The following SH3PXD2B variants were observed in gnomAD, a reference collection of about 807,000 sequenced individuals.
SH3PXD2B encodes the protein SH3 and PX domains 2B, also known as SH3 and PX domain-containing protein 2B.
In SH3PXD2B, 37 loss-of-function variants were observed where a neutral mutation model predicts 73.1. That is an observed-to-expected ratio of 0.51 (90% CI 0.39 to 0.67). The LOEUF is 0.67. Among genes scored for constraint, SH3PXD2B ranks in the 30% least tolerant of loss-of-function variants. The pLI is 0.00. For synonymous variants in SH3PXD2B, 457 were observed against 480.5 expected, an observed-to-expected ratio of 0.95 and a Z score of 0.64; for missense variants, 1,053 against 1,197.8, an observed-to-expected ratio of 0.88 and a Z score of 1.78.
chr5:172,440,869 TCA>T (rs1759538355), intron 1 of SH3PXD2B, among the ~76,000 whole-genome samples: 1 of 152,084 alleles, frequency 6.6e-6, no homozygotes, highest in South Asian at 2.1e-4. Context: ...GTTAGGAGGC[TCA>T]GTTTTCCCAT....
intron 4 of SH3PXD2B, among the ~76,000 whole-genome samples, chr5:172,394,215 G>A (rs1758246753): frequency 6.6e-6 from 1 of 152,350 alleles, no homozygotes; most frequent in South Asian, 2.1e-4. Flanking sequence ...AAAATGCTGG[G>A]ATTATAGGCG....
At position 172,336,205 on chromosome 5, in the gene SH3PXD2B, A is replaced by G; in HGVS notation, c.*2164T>C. 3.0e-6 allele frequency: 3 copies of G among 985,542 alleles called. No homozygotes were observed. The highest frequency in any genetic ancestry group is 3.6e-6 in the Non-Finnish European group (3 of 829,968). 61.0% of individuals were successfully genotyped at this position (985,542 alleles called of 1,614,324 possible). A position where few individuals can be genotyped will look rare whatever the true frequency, so the allele number is the denominator to read the frequency against. ...GGCAAAGAGCAAATCAGAAAAAAAC[A>G]TGTGTTTTGTCTTTTGAAATGCAGT... On this transcript the variant is annotated 3_prime_UTR_variant, in exon 13 of 13. Transcript: ENST00000311601.
intron 1 of SH3PXD2B, among the ~76,000 whole-genome samples, chr5:172,430,727 A>G (rs1174832349): frequency 1.3e-5 from 2 of 152,122 alleles, no homozygotes; most frequent in African/African-American, 4.8e-5. Context: ...GGCCAGAATA[A>G]CCCTCTTCCT....
At chr5:172,379,817 A>G (rs763265860) in intron 5 of SH3PXD2B, among the ~76,000 whole-genome samples, 5 of 152,186 alleles carry the variant, frequency 3.3e-5, no homozygotes, top group Non-Finnish European at 7.3e-5. Context: ...ATGGCCACAA[A>G]GCCCAGGAGT....
At chr5:172,416,517 G>A (rs375187546) in intron 2 of SH3PXD2B, among the ~76,000 whole-genome samples, 6 of 151,738 alleles carry the variant, frequency 4.0e-5, no homozygotes, top group African/African-American at 7.3e-5. Flanking sequence ...TAGTAGAGAC[G>A]GGGTTTCACT....
intron 2 of SH3PXD2B, among the ~76,000 whole-genome samples, chr5:172,412,403 C>T (rs1210514665): frequency 6.6e-6 from 1 of 152,224 alleles, no homozygotes; most frequent in South Asian, 2.1e-4. Context: ...CTTGAATTTA[C>T]ATTTAAATAC....
At chr5:172,398,696 A>G (rs1758361514) in intron 3 of SH3PXD2B, among the ~76,000 whole-genome samples, 1 of 152,210 alleles carries the variant, frequency 6.6e-6, no homozygotes, top group African/African-American at 2.4e-5. Flanking sequence ...ACTTTAAATG[A>G]CTTCCAAAAA....
chr5:172,325,343 A>G, exon 13 of SH3PXD2B: 1 of 1,535,572 alleles, frequency 6.5e-7, no homozygotes, highest in Non-Finnish European at 8.7e-7. Flanking sequence ...TCTAAGAGGG[A>G]CTTCCACAGG....
intron 1 of SH3PXD2B, among the ~76,000 whole-genome samples, chr5:172,430,662 C>T (rs1759213737): frequency 6.6e-6 from 1 of 152,238 alleles, no homozygotes; most frequent in Admixed American, 6.5e-5. Flanking sequence ...CAGGAGCTGA[C>T]ATTGAGAGGA....
intron 2 of SH3PXD2B, among the ~76,000 whole-genome samples, chr5:172,408,903 A>C (rs907851349): frequency 2.6e-5 from 4 of 152,116 alleles, no homozygotes; most frequent in African/African-American, 7.2e-5. Context: ...AATTGTATAT[A>C]TTCATGGGGT....
At chr5:172,373,668 A>ACCATCCAC in intron 6 of SH3PXD2B, 122 bp downstream of exon 6, 1 of 1,150,390 alleles carries the variant, frequency 8.7e-7, no homozygotes, top group South Asian at 1.5e-5. Flanking sequence ...CCTCCTGCCA[A>ACCATCCAC]CCATCCACCC....
intron 3 of SH3PXD2B, among the ~76,000 whole-genome samples, chr5:172,400,961 A>T (rs1046753297): frequency 6.6e-6 from 1 of 152,190 alleles, no homozygotes; most frequent in African/African-American, 2.4e-5. Context: ...TTTTCACTTT[A>T]AGCGCTGTGA....
chr5:172,397,079 T>C (rs555990648), intron 3 of SH3PXD2B, among the ~76,000 whole-genome samples: 7 of 152,202 alleles, frequency 4.6e-5, no homozygotes, highest in South Asian at 2.1e-4. Flanking sequence ...AGGAGAAATA[T>C]TGCTGAATTC....
intron 9 of SH3PXD2B, among the ~76,000 whole-genome samples, chr5:172,352,501 C>T (rs1581268532): frequency 6.6e-6 from 1 of 152,174 alleles, no homozygotes; most frequent in Non-Finnish European, 1.5e-5. Flanking sequence ...ACTGGGATTA[C>T]AGGCATGAGC....
intron 3 of SH3PXD2B, among the ~76,000 whole-genome samples, chr5:172,405,599 A>G (rs1233403474): frequency 1.3e-5 from 2 of 152,198 alleles, no homozygotes; most frequent in Admixed American, 1.3e-4. Context: ...TCTGCCAACA[A>G]TCTACGTGGA....
chr5:172,401,684 G>A (rs1461317095), intron 3 of SH3PXD2B, among the ~76,000 whole-genome samples: 1 of 152,162 alleles, frequency 6.6e-6, no homozygotes, highest in Non-Finnish European at 1.5e-5. Context: ...AAGATTTCAT[G>A]GACATTTATT....
intron 1 of SH3PXD2B, among the ~76,000 whole-genome samples, chr5:172,439,674 G>A (rs1759497611): frequency 9.8e-6 from 1 of 102,450 alleles, no homozygotes; most frequent in South Asian, 3.3e-4. Flanking sequence ...GTGTGTGCGT[G>A]CGTGCGCGCA....
chr5:172,338,435 C>G lies in SH3PXD2B; in HGVS notation c.2670G>C (p.Gln890His), dbSNP rs1172633904. The change falls in exon 13 of 13, where the codon CAG becomes CAC. Residue 890 changes from glutamine (Q) to histidine (H), a missense_variant. Physicochemically the swap from Gln to His is conservative, Grantham distance 24 (BLOSUM62 0). This residue lies in a region of SH3PXD2B where 587 missense variants were observed against 590.7 expected (regional missense o/e 0.99). Coordinates refer to ENST00000311601, the MANE Select transcript of SH3PXD2B (RefSeq NM_001017995.3). The surrounding 1 kb of genome is among the most constrained non-coding windows in gnomAD (Gnocchi z 5.1). ...EKNSSGWWFC[Q>H]VLSGAPSWEG... is the part of the protein sequence containing the mutation. The stretch of plus-strand genomic sequence containing the variant: ...CCCAGGAAGGGGCTCCGCTCAGGAC[C>G]TGGCAGAACCACCAGCCACTGCTGT... 6 of 1,614,108 alleles carry G rather than the reference C, an allele frequency of 3.7e-6. No homozygotes were observed. Among genetic ancestry groups the G allele is most frequent in the Non-Finnish European group, 5.1e-6 (6 of 1,180,044 alleles).
chr5:172,359,396 A>G (rs1757351094), intron 7 of SH3PXD2B, among the ~76,000 whole-genome samples: 1 of 151,256 alleles, frequency 6.6e-6, no homozygotes, highest in Non-Finnish European at 1.5e-5. Flanking sequence ...TCAAAAAAAA[A>G]AAAAAAAAAA....
Sources: allele counts gnomAD v4.1 joint callset (sites outside exome capture counted in the v4.1 genomes callset), GRCh38; gene constraint gnomAD v4.1.1; regional missense constraint gnomAD v4.1.1; non-coding constraint Gnocchi (gnomAD v3.1); transcripts MANE v1.5; gene names NCBI Gene and HGNC (gene_info 2026-07-23, HGNC 2026-07-21).